The following XPO6 variants were observed in gnomAD, a reference collection of about 807,000 sequenced individuals.
The protein encoded by XPO6 is exportin 6.
In XPO6, 3 loss-of-function variants were observed where a neutral mutation model predicts 130.0. That is an observed-to-expected ratio of 0.02 (90% CI 0.01 to 0.06). The LOEUF (loss-of-function observed/expected upper bound fraction) is 0.06, where lower values mean the gene tolerates loss of function less well. Among genes scored for constraint, XPO6 ranks in the 10% least tolerant of loss-of-function variants. The pLI, the probability that XPO6 is intolerant of heterozygous loss-of-function variation, is 1.00. For synonymous variants in XPO6, 524 were observed against 548.9 expected (o/e 0.95, Z 0.63); for missense variants, 970 against 1,393.0 (o/e 0.70, Z 4.83).
chr16:28,145,944 A>C, intron 9 of XPO6, 150 bp downstream of exon 9: 1 of 528,196 alleles, frequency 1.9e-6, no homozygotes, highest in Non-Finnish European at 3.4e-6. Flanking sequence ...CTTAAAGGAG[A>C]AAAAAAAGGA....
rs758821522 is a variant in XPO6, at chr16:28,106,359, T to G, written c.2612+24A>C. 1 of 1,612,082 alleles carries G rather than the reference T, an allele frequency of 6.2e-7. No homozygotes were observed. Among genetic ancestry groups the G allele is most frequent in the South Asian group, 1.1e-5 (1 of 91,030 alleles). On this transcript the variant is annotated intron_variant, in intron 19 of 23. Transcript: ENST00000304658. The surrounding 1 kb of genome is among the most constrained non-coding windows in gnomAD (Gnocchi z 4.2). ...CCACTTCTCCCTTGAATCTGAAAAC[T>G]ATAGATGGTGGGTCTGTGCTTACCT...
At chr16:28,103,955 T>C (rs544542813) in intron 21 of XPO6, among the ~76,000 whole-genome samples, 4 of 152,234 alleles carry the variant, frequency 2.6e-5, no homozygotes, top group African/African-American at 9.6e-5. Flanking sequence ...GACACTTGAG[T>C]GCAGACCCTG....
At chr16:28,158,018 A>G (rs530447536) in intron 6 of XPO6, among the ~76,000 whole-genome samples, 1 of 152,270 alleles carries the variant, frequency 6.6e-6, no homozygotes, top group East Asian at 1.9e-4. Context: ...GTCAGGTATC[A>G]TATCACACAG....
chr16:28,129,069 GAAC>G (rs2042616998), intron 12 of XPO6, among the ~76,000 whole-genome samples: 1 of 152,180 alleles, frequency 6.6e-6, no homozygotes, highest in Non-Finnish European at 1.5e-5. Flanking sequence ...CTGTGAGTTT[GAAC>G]AATATGAAAC....
At position 28,142,090 on chromosome 16, in the gene XPO6, T is replaced by C. The variant is rs980276186; in HGVS notation, c.1334+4004A>G. ...TAAACCACAGGGGACAGGAAATGAG[T>C]GCTGCCTTTGTGACTTAACCACACC... On this transcript the variant is annotated intron_variant, in intron 9 of 23. Coordinates refer to ENST00000304658, the MANE Select transcript of XPO6 (RefSeq NM_015171.4). 3.2e-4 allele frequency among the ~76,000 whole-genome samples: 48 copies of C among 152,254 alleles called. 1 individual carries two copies. The highest frequency in any genetic ancestry group is 1.0e-4 in the Non-Finnish European group (7 of 68,042).
At chr16:28,143,221 G>A (rs1342637554) in intron 9 of XPO6, among the ~76,000 whole-genome samples, 1 of 152,226 alleles carries the variant, frequency 6.6e-6, no homozygotes, top group Non-Finnish European at 1.5e-5. Flanking sequence ...ACATCTGCAG[G>A]TGGGCTAAAG....
rs868116919 is a variant in XPO6, at chr16:28,116,436, C to A, written c.2004+882G>T. On this transcript the variant is annotated intron_variant, in intron 15 of 23. Transcript: ENST00000304658. ...AAGATCACGCCACTGCACTCCAGCC[C>A]GGGCGACAGAGCGAGACTCCATCTC... Among the ~76,000 whole-genome samples the A allele has an allele frequency of 2.7e-5, 4 of 149,304 alleles. No individual in the cohort carries two copies. The East Asian group carries it at 7.9e-4, about 29-fold the overall frequency.
intron 1 of XPO6, chr16:28,208,854 G>A (rs1227798889): frequency 6.6e-6 from 1 of 152,200 alleles, no homozygotes; most frequent in African/African-American, 2.4e-5. Context: ...TATGGTGGTG[G>A]CTACTGAAAA....
Position 28,124,525 on chromosome 16 carries a change from G to A in XPO6, c.1766+1164C>T, listed in dbSNP as rs971367980. 7.9e-5 allele frequency among the ~76,000 whole-genome samples: 12 copies of A among 152,088 alleles called. 1 individual carries two copies. The highest frequency in any genetic ancestry group is 2.4e-4 in the African/African-American group (10 of 41,394). On this transcript the variant is annotated intron_variant, in intron 13 of 23. Coordinates refer to ENST00000304658, the MANE Select transcript of XPO6 (RefSeq NM_015171.4). ...AACGGACTGGCAATACAAACGCTAC[G>A]GTTTGGAAAGCGCACAACATGTGGA...
intron 17 of XPO6, chr16:28,111,557 T>G (rs973205348): frequency 2.6e-6 from 1 of 382,360 alleles, no homozygotes; most frequent in Non-Finnish European, 4.8e-6. Flanking sequence ...GTCTTCCATT[T>G]TTTCTTAGGG....
rs892865221 is a variant in XPO6 at position 28,113,036 on chromosome 16, C to G, written c.2019G>C (p.Leu673=). ...CCAGTAAGTGGCACGCAGATAGCAG[C>G]AGCTTGTCTTGGACCTGCAGAGGGA... ...PLISTKVQDK[L]LLSACHLLVS... is the part of the protein sequence containing the mutation. Residue 673 remains leucine, a synonymous_variant, in exon 16 of 24, where the codon CTG becomes CTC. Coordinates refer to ENST00000304658, the MANE Select transcript of XPO6 (RefSeq NM_015171.4). The G allele has an allele frequency of 6.2e-7, 1 of 1,613,974 alleles. No homozygotes were observed.
chr16:28,106,252 T>A lies in XPO6; in HGVS notation c.2613-38A>T, dbSNP rs2086777311. 6.2e-7 allele frequency: 1 copy of A among 1,609,748 alleles called. No homozygotes were observed. The highest frequency in any genetic ancestry group is 1.3e-5 in the African/African-American group (1 of 74,816). ...AAGCCACACAGTGAGCAACCACATGTTTCTCTGGGGGCCAGCATGAAAACC... is the reference window on the plus strand; with the variant it reads ...AAGCCACACAGTGAGCAACCACATGATTCTCTGGGGGCCAGCATGAAAACC... On this transcript the variant is annotated intron_variant, in intron 19 of 23. Transcript: ENST00000304658. This position sits in a 1 kb window ranked among gnomAD's most constrained non-coding sequence, Gnocchi z 4.2.
At chr16:28,115,868 A>T (rs976539064) in intron 15 of XPO6, among the ~76,000 whole-genome samples, 2 of 152,220 alleles carry the variant, frequency 1.3e-5, no homozygotes, top group African/African-American at 4.8e-5. Context: ...TTGCTGCTTC[A>T]TCCTGGAGAT....
chr16:28,146,270 T>C (rs1223328810), intron 8 of XPO6, 67 bp from the exon 9 acceptor site: 2 of 1,143,054 alleles, frequency 1.7e-6, no homozygotes, highest in Non-Finnish European at 2.6e-6. Flanking sequence ...AACACACACA[T>C]GCCAGTGTTT....
intron 6 of XPO6, among the ~76,000 whole-genome samples, chr16:28,163,600 G>T (rs746910911): frequency 6.6e-6 from 1 of 152,180 alleles, no homozygotes; most frequent in Non-Finnish European, 1.5e-5. Context: ...CAGCAGGCGG[G>T]GGGGCAATGT....
At chr16:28,136,331 T>C (rs1165039600) in intron 9 of XPO6, among the ~76,000 whole-genome samples, 1 of 152,216 alleles carries the variant, frequency 6.6e-6, no homozygotes, top group East Asian at 1.9e-4. Flanking sequence ...GTGATTCTCA[T>C]GCCTCAGCCT....
chr16:28,119,601 G>A lies in XPO6; in HGVS notation c.1859+2069C>T, dbSNP rs1227034004. ...AAACACAATTGGGTGAACTGTTCTA[G>A]ACTATAGGAAATACATTTAATGTGT... On this transcript the variant is annotated intron_variant, in intron 14 of 23. Transcript: ENST00000304658. Among the ~76,000 whole-genome samples, 8 of 151,828 alleles carry A rather than the reference G, an allele frequency of 5.3e-5. No individual in the cohort carries two copies. In the East Asian group the frequency reaches 1.5e-3, roughly 29 times the overall value.
At chr16:28,177,739 A>G (rs1239965342) in intron 2 of XPO6, among the ~76,000 whole-genome samples, 7 of 152,234 alleles carry the variant, frequency 4.6e-5, no homozygotes, top group Non-Finnish European at 1.0e-4. Flanking sequence ...TCTTCAGTGG[A>G]GCCTACATTG....
At chr16:28,128,032 T>G (rs558384051) in intron 12 of XPO6, among the ~76,000 whole-genome samples, 2 of 152,222 alleles carry the variant, frequency 1.3e-5, no homozygotes, top group African/African-American at 4.8e-5. Context: ...ACGGAACCAA[T>G]GAACTGAGAG....
Sources: allele counts gnomAD v4.1 joint callset (sites outside exome capture counted in the v4.1 genomes callset), GRCh38; gene constraint gnomAD v4.1.1; non-coding constraint Gnocchi (gnomAD v3.1); transcripts MANE v1.5; gene names NCBI Gene and HGNC (gene_info 2026-07-23, HGNC 2026-07-21).